Variants in PLCH2 observed in about 807,000 individuals in gnomAD.
PLCH2 encodes the protein 1-phosphatidylinositol 4,5-bisphosphate phosphodiesterase eta-2.
PLCH2 carries 98 observed loss-of-function variants against 134.7 expected under a neutral mutation model. That is an observed-to-expected ratio of 0.73 (90% CI 0.62 to 0.86). The LOEUF (loss-of-function observed/expected upper bound fraction) is 0.86. Among genes scored for constraint, PLCH2 ranks in the 40% least tolerant of loss-of-function variants. The pLI is 0.00. For synonymous variants in PLCH2, 974 were observed against 827.5 expected (o/e 1.18, Z -3.04); for missense variants, 1,994 against 1,986.6 (o/e 1.00, Z -0.07).
chr1:2,468,952 T>C (rs1395851596), intron 1 of PLCH2, among the ~76,000 whole-genome samples: 1 of 151,980 alleles, frequency 6.6e-6, no homozygotes, highest in Non-Finnish European at 1.5e-5. Context: ...AGGGTGCCTG[T>C]CCCCTCCTCT....
chr1:2,488,456 TCA>T (rs1642394902), intron 8 of PLCH2, among the ~76,000 whole-genome samples: 1 of 152,224 alleles, frequency 6.6e-6, no homozygotes, highest in Admixed American at 6.5e-5. Context: ...GCTTCAGGCC[TCA>T]GTTTCTTGCC....
chr1:2,458,422 G>T (rs572617139), intron 2 of PLCH2, among the ~76,000 whole-genome samples: 2 of 152,322 alleles, frequency 1.3e-5, no homozygotes, highest in South Asian at 4.1e-4. Context: ...GGAAGGGCTG[G>T]AGGCTGGGCT....
Position 2,479,730 on chromosome 1 carries a change from G to A in PLCH2, c.272-4G>A, listed in dbSNP as rs767042986. The A allele has an allele frequency of 2.5e-5, 38 of 1,533,972 alleles. No individual in the cohort carries two copies. In the Admixed American group the frequency reaches 4.9e-4, roughly 20 times the overall value. ...CTGACCCGTGCTCCCTCCCCACCCC[G>A]CAGTCTCCATCGACTCCATCCAGGA... is the stretch of plus-strand genomic sequence containing the variant. On this transcript the variant is annotated splice_polypyrimidine_tract_variant and splice_region_variant and intron_variant, in intron 2 of 21. Coordinates refer to ENST00000378486, the MANE Select transcript of PLCH2 (RefSeq NM_014638.4).
intron 1 of PLCH2, among the ~76,000 whole-genome samples, chr1:2,426,956 G>T (rs994333700): frequency 3.3e-5 from 5 of 152,246 alleles, no homozygotes; most frequent in African/African-American, 4.8e-5. Flanking sequence ...TCACAGAGGG[G>T]CCTTGGGCTG....
chr1:2,432,593 C>A (rs775284649), intron 2 of PLCH2, among the ~76,000 whole-genome samples: 2 of 152,204 alleles, frequency 1.3e-5, no homozygotes, highest in African/African-American at 4.8e-5. Context: ...GGTGTGCACC[C>A]GGCCCCCACA....
chr1:2,420,762 G>T, the PLCH2 span, among the ~76,000 whole-genome samples: 1 of 152,198 alleles, frequency 6.6e-6, no homozygotes, highest in Non-Finnish European at 1.5e-5. Context: ...TCGATTGGAG[G>T]GTGGAGTGAG....
the PLCH2 span, among the ~76,000 whole-genome samples, chr1:2,419,678 T>C: frequency 6.6e-6 from 1 of 152,070 alleles, no homozygotes. Context: ...TGCCTGACCC[T>C]GGCATCCACA....
At chr1:2,416,095 CT>C in the PLCH2 span, among the ~76,000 whole-genome samples, 2 of 152,246 alleles carry the variant, frequency 1.3e-5, no homozygotes, top group Non-Finnish European at 2.9e-5. Flanking sequence ...GTGCTGCCCC[CT>C]GTGCCCCCTC....
chr1:2,495,776 G>A (rs1642851389), intron 13 of PLCH2, among the ~76,000 whole-genome samples: 2 of 152,140 alleles, frequency 1.3e-5, no homozygotes, highest in South Asian at 4.1e-4. Flanking sequence ...GGGCGGCTGA[G>A]CAGGTGGCTG....
intron 2 of PLCH2, among the ~76,000 whole-genome samples, chr1:2,461,844 G>T (rs1570342888): frequency 6.8e-6 from 1 of 147,734 alleles, no homozygotes; most frequent in Non-Finnish European, 1.5e-5. Flanking sequence ...AGGTGGGCAG[G>T]GCAGCTGGGG....
At chr1:2,455,662 C>G (rs4648845) in intron 2 of PLCH2, among the ~76,000 whole-genome samples, 1 of 151,976 alleles carries the variant, frequency 6.6e-6, no homozygotes, top group Non-Finnish European at 1.5e-5. Context: ...CAGGAGCAGT[C>G]AGAAGCTTCA....
intron 21 of PLCH2, chr1:2,502,674 T>C (rs1643300356): frequency 2.9e-6 from 2 of 699,314 alleles, no homozygotes; most frequent in Non-Finnish European, 5.3e-6. Context: ...CCTCACGCTA[T>C]CCCGGGGAGA....
Position 2,476,534 on chromosome 1 carries a change from G to A in PLCH2, c.-55G>A, listed in dbSNP as rs886209232. 138 of 1,433,922 alleles carry A rather than the reference G, an allele frequency of 9.6e-5. No individual in the cohort carries two copies. The highest frequency in any genetic ancestry group is 1.1e-4 in the Non-Finnish European group (121 of 1,097,350). 88.8% of individuals were successfully genotyped at this position (1,433,922 alleles called of 1,614,324 possible). A position where few individuals can be genotyped will look rare whatever the true frequency, so the allele number is the denominator to read the frequency against. ...TGCCACTGCCTGACCTCCGCTGCCC[G>A]AAGGCCGGTGGGCCTCTGTGGCCTC... On this transcript the variant is annotated 5_prime_UTR_variant, in exon 1 of 22. Coordinates refer to ENST00000378486, the MANE Select transcript of PLCH2 (RefSeq NM_014638.4).
intron 2 of PLCH2, among the ~76,000 whole-genome samples, chr1:2,458,089 G>A (rs376839374): frequency 6.6e-6 from 1 of 152,118 alleles, no homozygotes; most frequent in East Asian, 1.9e-4. Flanking sequence ...GAGTGGGGGT[G>A]GGCCATGCCG....
At chr1:2,478,008 G>C (rs1641731215) in intron 1 of PLCH2, among the ~76,000 whole-genome samples, 2 of 152,314 alleles carry the variant, frequency 1.3e-5, no homozygotes, top group African/African-American at 4.8e-5. Context: ...TATGGCCCCA[G>C]ACAGCCAGCC....
Position 2,476,390 on chromosome 1 carries a change from A to G in PLCH2, c.-199A>G, listed in dbSNP as rs550119110. On this transcript the variant is annotated 5_prime_UTR_variant, in exon 1 of 22. Transcript: ENST00000378486. ...CTGGGGGCCATCAGGACAGCAGGTGACGGTCAGGCCAATGCCAGCCGGGCC... is the reference window on the plus strand; with the variant it reads ...CTGGGGGCCATCAGGACAGCAGGTGGCGGTCAGGCCAATGCCAGCCGGGCC... 6 of 514,768 alleles carry G rather than the reference A, an allele frequency of 1.2e-5. No individual in the cohort carries two copies. In the South Asian group the frequency reaches 1.3e-4, roughly 11 times the overall value. 31.9% of individuals were successfully genotyped at this position (514,768 alleles called of 1,614,324 possible).
chr1:2,468,438 G>A (rs946547664), intron 1 of PLCH2, among the ~76,000 whole-genome samples: 13 of 152,340 alleles, frequency 8.5e-5, no homozygotes, highest in African/African-American at 3.1e-4. Flanking sequence ...GCTTCCGAGG[G>A]GCATCCTGGG....
intron 20 of PLCH2, 166 bp downstream of exon 20, chr1:2,499,886 G>C (rs1364570882): frequency 1.6e-6 from 1 of 641,350 alleles, no homozygotes; most frequent in Non-Finnish European, 2.8e-6. Context: ...GCTGCTGTGG[G>C]GGCCTGGCTC....
At chr1:2,490,937 C>T (rs903141985) in intron 10 of PLCH2, among the ~76,000 whole-genome samples, 38 of 152,240 alleles carry the variant, frequency 2.5e-4, no homozygotes, top group African/African-American at 8.7e-4. Flanking sequence ...CGCCTGCTGG[C>T]GCACTGACCT....
Sources: gnomAD v4.1 joint callset for allele counts (sites outside exome capture counted in the v4.1 genomes callset) on GRCh38, gnomAD v4.1.1 for gene constraint, MANE v1.5 for transcripts, NCBI Gene and HGNC (gene_info 2026-07-23, HGNC 2026-07-21) for gene names.